PCDH9: variants seen among roughly 807,000 people sequenced by gnomAD.
PCDH9 encodes the protein protocadherin 9.
Under a neutral mutation model 70.6 loss-of-function variants are expected in PCDH9, and 24 were observed. The observed-to-expected ratio is 0.34, with a 90% CI of 0.25 to 0.48. PCDH9 has a LOEUF of 0.48. Among genes scored for constraint, PCDH9 ranks in the 20% least tolerant of loss-of-function variants. PCDH9 has a pLI of 0.99. For missense variants in PCDH9, 1,281 were observed against 1,503.6 expected, an observed-to-expected ratio of 0.85 and a Z score of 2.45; for synonymous variants, 562 against 558.5, an observed-to-expected ratio of 1.01 and a Z score of -0.09.
At chr13:67,075,663 A>G (rs1365939238) in intron 2 of PCDH9, among the ~76,000 whole-genome samples, 1 of 152,140 alleles carries the variant, frequency 6.6e-6, no homozygotes, top group African/African-American at 2.4e-5. Flanking sequence ...ACACTTTTAT[A>G]CATAACCGAA....
At chr13:66,966,693 A>G (rs2083439278) in intron 2 of PCDH9, among the ~76,000 whole-genome samples, 1 of 152,082 alleles carries the variant, frequency 6.6e-6, no homozygotes, top group African/African-American at 2.4e-5. Context: ...GTGAAGTAAA[A>G]ACTATTCACA....
intron 3 of PCDH9, among the ~76,000 whole-genome samples, chr13:66,738,434 C>T (rs1262881296): frequency 6.6e-6 from 1 of 150,896 alleles, no homozygotes; most frequent in Non-Finnish European, 1.5e-5. Flanking sequence ...ACGCAGAGCG[C>T]CTCTCCTCCT....
At chr13:67,141,066 T>C (rs1392942942) in intron 2 of PCDH9, among the ~76,000 whole-genome samples, 1 of 152,110 alleles carries the variant, frequency 6.6e-6, no homozygotes, top group Non-Finnish European at 1.5e-5. Flanking sequence ...CGCCTAAAAA[T>C]GTAGAAAAGA....
rs764679371 is a variant in PCDH9, at chr13:67,227,076, T to A, written c.1365A>T (p.Val455=). 1 of 1,614,162 alleles carries A rather than the reference T, an allele frequency of 6.2e-7. No homozygotes were observed. The highest frequency in any genetic ancestry group is 1.1e-5 in the South Asian group (1 of 91,084). ...GKPSLNQTAL[V]RVKLEDENDN... ...CATTTTCATCCTCAAGCTTAACCCT[T>A]ACCAGGGCAGTCTGATTTAAACTGG... Residue 455 remains valine (V), a synonymous_variant, in exon 2 of 5, where the codon GTA becomes GTT. Transcript: ENST00000377865. The surrounding 1 kb of genome is among the most constrained non-coding windows in gnomAD (Gnocchi z 4.6).
At chr13:66,722,521 T>C (rs1413117664) in intron 3 of PCDH9, among the ~76,000 whole-genome samples, 1 of 152,118 alleles carries the variant, frequency 6.6e-6, no homozygotes, top group Non-Finnish European at 1.5e-5. Context: ...AATTGGACCC[T>C]ATTGGTTTAG....
At chr13:66,622,154 G>A (rs375395144) in intron 4 of PCDH9, among the ~76,000 whole-genome samples, 3 of 152,214 alleles carry the variant, frequency 2.0e-5, no homozygotes, top group African/African-American at 4.8e-5. Flanking sequence ...CACTGCACTC[G>A]ATTTGTCACC....
chr13:66,775,149 G>T (rs2139283323), intron 3 of PCDH9, among the ~76,000 whole-genome samples: 1 of 152,248 alleles, frequency 6.6e-6, no homozygotes, highest in East Asian at 1.9e-4. Context: ...ACATTTGTTT[G>T]CTTTTTAAAA....
chr13:66,823,296 C>T (rs2080748001), intron 3 of PCDH9, among the ~76,000 whole-genome samples: 2 of 151,840 alleles, frequency 1.3e-5, no homozygotes, highest in Admixed American at 1.3e-4. Context: ...TTTTTGATGA[C>T]CACACCATTT....
chr13:66,526,529 C>G (rs868228337), intron 4 of PCDH9, among the ~76,000 whole-genome samples: 7 of 138,152 alleles, frequency 5.1e-5, no homozygotes, highest in Non-Finnish European at 9.7e-5. Flanking sequence ...CTCTCTCTCT[C>G]TCTGTCTCTG....
At chr13:66,625,177 TAACA>T (rs2077482470) in intron 4 of PCDH9, among the ~76,000 whole-genome samples, 1 of 152,168 alleles carries the variant, frequency 6.6e-6, no homozygotes, top group Admixed American at 6.5e-5. Flanking sequence ...TTATTATTTC[TAACA>T]AACAATAATT....
chr13:67,177,057 T>A (rs1295950295), intron 2 of PCDH9, among the ~76,000 whole-genome samples: 1 of 152,122 alleles, frequency 6.6e-6, no homozygotes, highest in African/African-American at 2.4e-5. Context: ...AAGTATCTAT[T>A]GTGAATAAGG....
At chr13:66,305,564 A>T (rs1435074736) in intron 4 of PCDH9, among the ~76,000 whole-genome samples, 2 of 152,230 alleles carry the variant, frequency 1.3e-5, no homozygotes, top group African/African-American at 4.8e-5. Context: ...GTTTTTTTCT[A>T]CATAAACACC....
At chr13:66,791,737 C>A (rs1049665975) in intron 3 of PCDH9, among the ~76,000 whole-genome samples, 6 of 152,102 alleles carry the variant, frequency 3.9e-5, no homozygotes, top group Admixed American at 2.6e-4. Context: ...TGGAAAAAAT[C>A]GCAATTACTT....
chr13:66,981,243 C>T (rs902538806), intron 2 of PCDH9, among the ~76,000 whole-genome samples: 12 of 151,998 alleles, frequency 7.9e-5, no homozygotes, highest in Admixed American at 5.2e-4. Flanking sequence ...TCAAGACCAT[C>T]GTGGCTAACA....
chr13:66,837,684 C>T (rs1211779492), intron 3 of PCDH9, among the ~76,000 whole-genome samples: 2 of 152,110 alleles, frequency 1.3e-5, no homozygotes, highest in Non-Finnish European at 2.9e-5. Context: ...GCTCTGATTC[C>T]TACTAAGAAA....
rs192254638 is a variant in PCDH9, at chr13:66,882,861, T to G, written c.3138+20643A>C. On this transcript the variant is annotated intron_variant, in intron 3 of 4. Coordinates refer to ENST00000377865, the MANE Select transcript of PCDH9 (RefSeq NM_203487.3). ...GCATAAGGTCTATCAGCCCACATTA[T>G]CTTAATTGAAGATAAATAATACTGA... Among the ~76,000 whole-genome samples the G allele has an allele frequency of 2.5e-3, 378 of 152,272 alleles. 4 individuals are homozygous for G. The highest frequency in any genetic ancestry group is 7.8e-3 in the African/African-American group (324 of 41,562).
chr13:66,695,843 T>G (rs985715353), intron 3 of PCDH9, among the ~76,000 whole-genome samples: 7 of 152,196 alleles, frequency 4.6e-5, no homozygotes, highest in African/African-American at 1.7e-4. Flanking sequence ...GGGATTAGGT[T>G]TTGTCCTATA....
At chr13:66,462,994 C>G (rs1958452017) in intron 4 of PCDH9, among the ~76,000 whole-genome samples, 1 of 151,754 alleles carries the variant, frequency 6.6e-6, no homozygotes, top group South Asian at 2.1e-4. Flanking sequence ...CACAAGCTAG[C>G]CCAATAAAAT....
At chr13:66,934,316 G>A (rs2082867701) in intron 2 of PCDH9, among the ~76,000 whole-genome samples, 1 of 152,070 alleles carries the variant, frequency 6.6e-6, no homozygotes, top group African/African-American at 2.4e-5. Context: ...CGGATCACCT[G>A]AGGTCAGGAG....
Sources: allele counts gnomAD v4.1 joint callset (sites outside exome capture counted in the v4.1 genomes callset), GRCh38; gene constraint gnomAD v4.1.1; non-coding constraint Gnocchi (gnomAD v3.1); transcripts MANE v1.5; gene names NCBI Gene and HGNC (gene_info 2026-07-23, HGNC 2026-07-21).